The following PPP6R2 variants were observed in gnomAD, a reference collection of about 807,000 sequenced individuals.
PPP6R2 encodes serine/threonine-protein phosphatase 6 regulatory subunit 2.
A neutral mutation model predicts 100.2 loss-of-function variants in PPP6R2; 62 were observed. The ratio of observed to expected loss-of-function variants is 0.62; its 90% confidence interval spans 0.50 to 0.76. PPP6R2 has a LOEUF of 0.76. PPP6R2 is among the 30% of genes least tolerant of loss of function. The pLI, the probability that PPP6R2 is intolerant of heterozygous loss-of-function variation, is 0.00. For synonymous variants in PPP6R2, 525 were observed against 514.7 expected (o/e 1.02, Z -0.27); for missense variants, 1,142 against 1,276.3 (o/e 0.89, Z 1.60).
At chr22:50,396,160 C>T (rs1320977754) in intron 3 of PPP6R2, among the ~76,000 whole-genome samples, 1 of 144,140 alleles carries the variant, frequency 6.9e-6, no homozygotes, top group African/African-American at 2.6e-5. Flanking sequence ...TGCGCCATTG[C>T]ACTCCAGCCT....
chr22:50,440,153 C>T (rs1345646905), intron 21 of PPP6R2, 104 bp downstream of exon 21: 21 of 1,036,922 alleles, frequency 2.0e-5, no homozygotes, highest in South Asian at 7.7e-5. Flanking sequence ...GCCGGGGCCT[C>T]GCATGCTGCT....
rs774196948 is a variant in PPP6R2, at chr22:50,431,390, C to T, written c.1335+8C>T. Reference sequence around the variant, plus strand: ...AACACAATGGTGACCCACGTGAGTCCAAGAAGCATCCATCTTATCAGCGCC... The same window carrying T: ...AACACAATGGTGACCCACGTGAGTCTAAGAAGCATCCATCTTATCAGCGCC... On this transcript the variant is annotated splice_region_variant and intron_variant, in intron 11 of 23. Transcript: ENST00000612753. This position sits in a 1 kb window ranked among gnomAD's most constrained non-coding sequence, Gnocchi z 4.8. The T allele has an allele frequency of 3.7e-6, 6 of 1,610,046 alleles. No individual in the cohort carries two copies. Among genetic ancestry groups the T allele is most frequent in the Non-Finnish European group, 5.1e-6 (6 of 1,179,066 alleles).
At chr22:50,416,362 C>T (rs2060538873) in intron 6 of PPP6R2, among the ~76,000 whole-genome samples, 1 of 150,000 alleles carries the variant, frequency 6.7e-6, no homozygotes, top group African/African-American at 2.5e-5. Context: ...GCGTTTCGCT[C>T]TTGTTGCCTG....
At chr22:50,335,936 A>G in the PPP6R2 span, among the ~76,000 whole-genome samples, 2 of 148,090 alleles carry the variant, frequency 1.4e-5, no homozygotes, top group Non-Finnish European at 3.0e-5. Context: ...TTGGCCTCCC[A>G]AAGTGCTGAG....
chr22:50,372,641 C>T (rs1219680395), intron 2 of PPP6R2, among the ~76,000 whole-genome samples: 1 of 152,108 alleles, frequency 6.6e-6, no homozygotes, highest in Non-Finnish European at 1.5e-5. Flanking sequence ...TTTTGAGATG[C>T]TCTGCATGTT....
In PPP6R2 at chr22:50,419,488, T is replaced by C. The variant is rs184599958; in HGVS notation, c.845+26T>C. 2,170 of 1,544,816 alleles carry C rather than the reference T, an allele frequency of 1.4e-3. 23 individuals are homozygous for C. The highest frequency in any genetic ancestry group is 4.9e-4 in the Non-Finnish European group (552 of 1,118,528). ...GTGAGTCTCACGAGGAGAAATCGTG[T>C]AGAGCTGAACTTGACGCCTCAGTGA... On this transcript the variant is annotated intron_variant, in intron 8 of 23. Coordinates refer to ENST00000612753, the MANE Select transcript of PPP6R2 (RefSeq NM_001242898.2).
the PPP6R2 span, among the ~76,000 whole-genome samples, chr22:50,335,437 T>C: frequency 6.6e-6 from 1 of 150,932 alleles, no homozygotes; most frequent in African/African-American, 2.4e-5. Flanking sequence ...CCTTGTGATC[T>C]GCCCGCCTCG....
At chr22:50,402,710 A>AGGT (rs2146991515) in intron 3 of PPP6R2, among the ~76,000 whole-genome samples, 1 of 152,314 alleles carries the variant, frequency 6.6e-6, no homozygotes, top group Non-Finnish European at 1.5e-5. Flanking sequence ...GAATATGAAC[A>AGGT]AGCCTGTGTG....
chr22:50,443,776 G>A, intron 22 of PPP6R2, 90 bp from the exon 23 acceptor site: 1 of 1,472,712 alleles, frequency 6.8e-7, no homozygotes, highest in Non-Finnish European at 9.1e-7. Context: ...AGGCCGCCTG[G>A]ACCTTTTTGT....
intron 4 of PPP6R2, 117 bp downstream of exon 4, chr22:50,406,992 C>T (rs1200236669): frequency 2.0e-6 from 2 of 1,022,384 alleles, no homozygotes; most frequent in African/African-American, 3.2e-5. Flanking sequence ...GCATCTGTGA[C>T]TCTTCTGCGC....
At chr22:50,342,456 C>T (rs2042511335), upstream of PPP6R2, among the ~76,000 whole-genome samples, 1 of 152,130 alleles carries the variant, frequency 6.6e-6, no homozygotes, top group Admixed American at 6.5e-5. Flanking sequence ...AGGGCCAAGC[C>T]CTTTTCTCCT....
At chr22:50,440,153 C>A in intron 21 of PPP6R2, 104 bp downstream of exon 21, 1 of 1,037,038 alleles carries the variant, frequency 9.6e-7, no homozygotes, top group Non-Finnish European at 1.4e-6. Context: ...GCCGGGGCCT[C>A]GCATGCTGCT....
intron 8 of PPP6R2, among the ~76,000 whole-genome samples, chr22:50,421,844 G>T (rs922255620): frequency 3.3e-5 from 5 of 152,042 alleles, no homozygotes; most frequent in Non-Finnish European, 7.3e-5. Flanking sequence ...CTCCAGCCTG[G>T]GTGACAGAGC....
rs192826021 is a variant in PPP6R2 at position 50,383,294 on chromosome 22, G to C, written c.-16-10599G>C. 5.3e-5 allele frequency among the ~76,000 whole-genome samples: 8 copies of C among 152,236 alleles called. No homozygotes were observed. In the East Asian group the frequency reaches 1.5e-3, roughly 29 times the overall value. ...CAGCCCTGGTTTGCCCAAGTGTCCT[G>C]GTTTTTCCTGTGGTCCTGGTCTCAT... On this transcript the variant is annotated intron_variant, in intron 2 of 23. Transcript: ENST00000612753.
chr22:50,371,761 C>G (rs573707988), intron 1 of PPP6R2, among the ~76,000 whole-genome samples: 1 of 152,064 alleles, frequency 6.6e-6, no homozygotes, highest in Non-Finnish European at 1.5e-5. Flanking sequence ...CTCAGCCTCC[C>G]GAGTAGCTGG....
intron 4 of PPP6R2, 83 bp from the exon 5 acceptor site, chr22:50,414,469 C>A: frequency 6.7e-7 from 1 of 1,491,346 alleles, no homozygotes; most frequent in Middle Eastern, 1.8e-4. Context: ...ACTAGTTCAA[C>A]TTTCCCATGA....
At chr22:50,395,667 C>T (rs933613404) in intron 3 of PPP6R2, among the ~76,000 whole-genome samples, 3 of 152,096 alleles carry the variant, frequency 2.0e-5, no homozygotes, top group African/African-American at 7.2e-5. Context: ...CCCAAGTGAT[C>T]CTCCCGCCTT....
intron 8 of PPP6R2, among the ~76,000 whole-genome samples, chr22:50,420,125 G>A (rs748122046): frequency 5.3e-5 from 8 of 152,256 alleles, no homozygotes; most frequent in Non-Finnish European, 8.8e-5. Flanking sequence ...TGGACAGCGA[G>A]GGTGATGCAG....
At chr22:50,377,641 A>G (rs1313750902) in intron 2 of PPP6R2, among the ~76,000 whole-genome samples, 4 of 152,202 alleles carry the variant, frequency 2.6e-5, no homozygotes, top group African/African-American at 9.6e-5. Context: ...TTCTGTAAAG[A>G]GAAAAGAGAG....
Sources: gnomAD v4.1 joint callset for allele counts (sites outside exome capture counted in the v4.1 genomes callset) on GRCh38, gnomAD v4.1.1 for gene constraint, Gnocchi (gnomAD v3.1) non-coding constraint, MANE v1.5 for transcripts, NCBI Gene and HGNC (gene_info 2026-07-23, HGNC 2026-07-21) for gene names.